Variants in PDE7B observed in about 807,000 individuals in gnomAD.
The protein encoded by PDE7B is phosphodiesterase 7B, also known as 3',5'-cyclic-AMP phosphodiesterase 7B.
A neutral mutation model predicts 56.2 loss-of-function variants in PDE7B; 29 were observed. The observed-to-expected ratio is 0.52, with a 90% confidence interval of 0.38 to 0.70. The LOEUF (loss-of-function observed/expected upper bound fraction) is 0.70. PDE7B is among the 30% of genes least tolerant of loss of function. The pLI, the probability that PDE7B is intolerant of heterozygous loss-of-function variation, is 0.00. For synonymous variants in PDE7B, 197 were observed against 196.9 expected (o/e 1.00, Z 0.00); for missense variants, 490 against 565.0 (o/e 0.87, Z 1.35).
intron 2 of PDE7B, among the ~76,000 whole-genome samples, chr6:136,053,903 GTTGT>G (rs1217608879): frequency 2.0e-5 from 3 of 151,844 alleles, no homozygotes; most frequent in Non-Finnish European, 4.4e-5. Flanking sequence ...TTTTGATGGC[GTTGT>G]TTTTTTCTTG....
At chr6:135,949,302 G>A (rs914052658) in intron 2 of PDE7B, among the ~76,000 whole-genome samples, 1 of 151,966 alleles carries the variant, frequency 6.6e-6, no homozygotes, top group Non-Finnish European at 1.5e-5. Context: ...TTAGTTTATA[G>A]CTAGAACAGT....
intron 3 of PDE7B, among the ~76,000 whole-genome samples, chr6:136,144,280 CATAT>C (rs1190025903): frequency 1.3e-4 from 20 of 152,062 alleles, no homozygotes; most frequent in African/African-American, 3.9e-4. Flanking sequence ...CAAGAATACT[CATAT>C]ACTCTTTCTC....
chr6:136,077,523 T>C (rs952413086), intron 2 of PDE7B, among the ~76,000 whole-genome samples: 3 of 152,190 alleles, frequency 2.0e-5, no homozygotes, highest in South Asian at 2.1e-4. Context: ...GTTGGCTTTT[T>C]AAACTATGTA....
intron 2 of PDE7B, among the ~76,000 whole-genome samples, chr6:136,015,444 T>C (rs1479656099): frequency 3.3e-5 from 5 of 152,280 alleles, no homozygotes; most frequent in Admixed American, 2.6e-4. Flanking sequence ...AAGATGGAAA[T>C]AGAATTACAA....
At chr6:135,980,494 G>T (rs1159490109) in intron 2 of PDE7B, among the ~76,000 whole-genome samples, 1 of 151,254 alleles carries the variant, frequency 6.6e-6, no homozygotes, top group Middle Eastern at 3.4e-3. Flanking sequence ...TACCATCAGA[G>T]TGAACAGGCA....
chr6:136,073,159 A>G (rs558326900), intron 2 of PDE7B, among the ~76,000 whole-genome samples: 36 of 152,036 alleles, frequency 2.4e-4, no homozygotes, highest in African/African-American at 7.5e-4. Context: ...ATATCACACA[A>G]CTAGGGCCAC....
At chr6:135,957,404 A>G (rs943326473) in intron 2 of PDE7B, among the ~76,000 whole-genome samples, 2 of 152,208 alleles carry the variant, frequency 1.3e-5, no homozygotes, top group African/African-American at 4.8e-5. Flanking sequence ...TTTAAAATTA[A>G]AAAATACAGA....
chr6:135,888,449 C>T (rs1775748827), intron 1 of PDE7B, among the ~76,000 whole-genome samples: 1 of 151,084 alleles, frequency 6.6e-6, no homozygotes, highest in Non-Finnish European at 1.5e-5. Context: ...CTGAAATACA[C>T]ACGTGTGTGT....
chr6:135,904,491 C>G lies in PDE7B; in HGVS notation c.22-42973C>G, dbSNP rs145553626. On this transcript the variant is annotated intron_variant, in intron 1 of 12. Coordinates refer to ENST00000308191, the MANE Select transcript of PDE7B (RefSeq NM_018945.4). ...AAAACCCAGAAATACTTATAGACAACAGATTACCCCAGTCCATCCTTTCTC... is the reference window on the plus strand; with the variant it reads ...AAAACCCAGAAATACTTATAGACAAGAGATTACCCCAGTCCATCCTTTCTC... Among the ~76,000 whole-genome samples the G allele has an allele frequency of 2.2e-3, 337 of 152,268 alleles. 4 individuals carry two copies. In the East Asian group the frequency reaches 0.025, roughly 11 times the overall value.
At chr6:136,053,120 A>C (rs1583852256) in intron 2 of PDE7B, among the ~76,000 whole-genome samples, 2 of 152,188 alleles carry the variant, frequency 1.3e-5, no homozygotes, top group East Asian at 3.9e-4. Flanking sequence ...CAGGTTTGTT[A>C]CATATGTATA....
At chr6:136,140,401 G>A (rs1778299948) in intron 3 of PDE7B, among the ~76,000 whole-genome samples, 1 of 152,170 alleles carries the variant, frequency 6.6e-6, no homozygotes, top group Non-Finnish European at 1.5e-5. Flanking sequence ...AAGTCAGGTA[G>A]CATGATGCCT....
intron 3 of PDE7B, among the ~76,000 whole-genome samples, chr6:136,145,368 C>T (rs924205698): frequency 6.6e-6 from 1 of 152,004 alleles, no homozygotes; most frequent in Admixed American, 6.6e-5. Context: ...TTTTGAGCTC[C>T]CCCTTATTCT....
intron 2 of PDE7B, among the ~76,000 whole-genome samples, chr6:136,089,796 A>C (rs545600407): frequency 6.6e-6 from 1 of 152,360 alleles, no homozygotes; most frequent in East Asian, 1.9e-4. Flanking sequence ...ATAATTAGGC[A>C]GAACTCTTGC....
At chr6:136,101,056 T>C (rs866926348) in intron 2 of PDE7B, among the ~76,000 whole-genome samples, 2 of 152,228 alleles carry the variant, frequency 1.3e-5, no homozygotes, top group Admixed American at 1.3e-4. Context: ...GTTGATGTAA[T>C]GGATTACATT....
chr6:135,970,004 G>A (rs895125365), intron 2 of PDE7B, among the ~76,000 whole-genome samples: 2 of 152,042 alleles, frequency 1.3e-5, no homozygotes, highest in Non-Finnish European at 2.9e-5. Flanking sequence ...GACTGAGTCA[G>A]TGCAAAAAAA....
chr6:136,159,490 C>T (rs1778668116), intron 8 of PDE7B, among the ~76,000 whole-genome samples: 1 of 152,162 alleles, frequency 6.6e-6, no homozygotes, highest in Non-Finnish European at 1.5e-5. Context: ...AAGACATCTT[C>T]AAACAGGCAT....
intron 2 of PDE7B, chr6:136,037,398 A>G (rs1776341614): frequency 1.0e-6 from 1 of 984,076 alleles, no homozygotes; most frequent in South Asian, 4.7e-5. Flanking sequence ...GGATTTGACT[A>G]ATAGGTCATA....
chr6:135,974,192 A>G (rs1775144273), intron 2 of PDE7B, among the ~76,000 whole-genome samples: 1 of 152,214 alleles, frequency 6.6e-6, no homozygotes, highest in African/African-American at 2.4e-5. Context: ...TGTGATTCCC[A>G]TACATTATTT....
Position 136,025,223 on chromosome 6 carries a change from C to T in PDE7B, c.82+77699C>T, listed in dbSNP as rs191719637. On this transcript the variant is annotated intron_variant, in intron 2 of 12. Transcript: ENST00000308191. ...GCACTGTGATTTAGACCACTTTGGG[C>T]GGTGCTTTAAGGAAGATATCAAAGA... Among the ~76,000 whole-genome samples, 52 of 152,234 alleles carry T rather than the reference C, an allele frequency of 3.4e-4. 1 individual carries two copies. The highest frequency in any genetic ancestry group is 5.6e-4 in the Non-Finnish European group (38 of 68,022).
Sources: gnomAD v4.1 joint callset for allele counts (sites outside exome capture counted in the v4.1 genomes callset) on GRCh38, gnomAD v4.1.1 for gene constraint, MANE v1.5 for transcripts, NCBI Gene and HGNC (gene_info 2026-07-23, HGNC 2026-07-21) for gene names.